Variants in CNTN6 observed in about 807,000 individuals in gnomAD.
CNTN6 encodes contactin-6.
A neutral mutation model predicts 122.8 loss-of-function variants in CNTN6; 137 were observed. That is an observed-to-expected ratio of 1.12 (90% CI 0.97 to 1.29). The LOEUF (loss-of-function observed/expected upper bound fraction) is 1.29. CNTN6 is among the 50% of genes most tolerant of loss of function. The pLI, the probability that CNTN6 is intolerant of heterozygous loss-of-function variation, is 0.00. For missense variants in CNTN6, 1,634 were observed against 1,223.4 expected (o/e 1.34, Z -5.01); for synonymous variants, 570 against 426.0 (o/e 1.34, Z -4.16).
chr3:1,233,297 A>C (rs1224932933), intron 4 of CNTN6, among the ~76,000 whole-genome samples: 1 of 152,182 alleles, frequency 6.6e-6, no homozygotes, highest in Non-Finnish European at 1.5e-5. Flanking sequence ...AGGGCAACTG[A>C]TAGACTGGTA....
chr3:1,133,685 C>T (rs989630247), intron 1 of CNTN6, among the ~76,000 whole-genome samples: 2 of 152,112 alleles, frequency 1.3e-5, no homozygotes, highest in Non-Finnish European at 2.9e-5. Flanking sequence ...CTGACAAAGT[C>T]AATGCTGTCT....
At chr3:1,194,014 A>G (rs1201461591) in intron 2 of CNTN6, among the ~76,000 whole-genome samples, 1 of 152,062 alleles carries the variant, frequency 6.6e-6, no homozygotes, top group Non-Finnish European at 1.5e-5. Flanking sequence ...TGCAGGCCCT[A>G]TGCTAATCTC....
rs2094271789 is a variant in CNTN6 at position 1,225,661 on chromosome 3, G to A, written c.183-2157G>A. Among the ~76,000 whole-genome samples, 3 of 151,614 alleles carry A rather than the reference G, an allele frequency of 2.0e-5. No homozygotes were observed. The South Asian group carries it at 6.2e-4, about 32-fold the overall frequency. ...AGGAGAATATTGGTGTCTTGAGACA[G>A]GCCTAAAGAAAGAAAAGTTTTGAAG... On this transcript the variant is annotated intron_variant, in intron 3 of 22. Coordinates refer to ENST00000446702, the MANE Select transcript of CNTN6 (RefSeq NM_001289080.2).
At chr3:1,192,500 G>A (rs2093716479) in intron 2 of CNTN6, among the ~76,000 whole-genome samples, 1 of 152,102 alleles carries the variant, frequency 6.6e-6, no homozygotes, top group Admixed American at 6.6e-5. Context: ...TGCCTCATTT[G>A]CTGCAAATGT....
chr3:1,267,349 TTTAG>T (rs1470370133), intron 4 of CNTN6, among the ~76,000 whole-genome samples: 1 of 152,156 alleles, frequency 6.6e-6, no homozygotes, highest in Non-Finnish European at 1.5e-5. Flanking sequence ...CTTTTATTTT[TTTAG>T]TTATGTGGTC....
intron 4 of CNTN6, among the ~76,000 whole-genome samples, chr3:1,262,935 A>G (rs1488733439): frequency 6.6e-6 from 1 of 152,096 alleles, no homozygotes; most frequent in Non-Finnish European, 1.5e-5. Flanking sequence ...AATAACTAAA[A>G]AATAAATAAA....
Position 1,403,589 on chromosome 3 carries a change from T to TAAAC in CNTN6, c.*173_*176dup. On this transcript the variant is annotated 3_prime_UTR_variant, in exon 23 of 23. Transcript: ENST00000446702. ...CTATGGTATATTAATAAAACAATTT[T>TAAAC]AAACACTTTTGAATTTTAAAATCCG... 2.4e-6 allele frequency: 1 copy of TAAAC among 416,062 alleles called. No individual in the cohort carries two copies. Among genetic ancestry groups the TAAAC allele is most frequent in the Non-Finnish European group, 4.2e-6 (1 of 237,498 alleles). 25.8% of individuals were successfully genotyped at this position (416,062 alleles called of 1,614,324 possible).
rs112819222 is a variant in CNTN6, at chr3:1,124,297, C to G, written c.-82-23630C>G. Among the ~76,000 whole-genome samples, 53 of 151,988 alleles carry G rather than the reference C, an allele frequency of 3.5e-4. 3 individuals are homozygous for G. The South Asian group carries it at 6.7e-3, about 19-fold the overall frequency. On this transcript the variant is annotated intron_variant, in intron 1 of 22. Coordinates refer to ENST00000446702, the MANE Select transcript of CNTN6 (RefSeq NM_001289080.2). ...ATTGAGAAACCCTGAATTATACCAA[C>G]CCTGCTACTATTCTTGGTATACCCC...
intron 11 of CNTN6, among the ~76,000 whole-genome samples, chr3:1,335,350 A>G (rs1260354570): frequency 6.6e-6 from 1 of 152,200 alleles, no homozygotes; most frequent in African/African-American, 2.4e-5. Flanking sequence ...ACGGAAAATC[A>G]GGATGAATTA....
At chr3:1,334,307 G>T (rs530288767) in intron 11 of CNTN6, among the ~76,000 whole-genome samples, 2 of 151,960 alleles carry the variant, frequency 1.3e-5, no homozygotes, top group Non-Finnish European at 2.9e-5. Context: ...TAGAAAACAC[G>T]GGTTGTGGTC....
intron 12 of CNTN6, among the ~76,000 whole-genome samples, chr3:1,369,751 T>C (rs966189950): frequency 1.3e-5 from 2 of 152,044 alleles, no homozygotes; most frequent in African/African-American, 4.8e-5. Context: ...CTCCTATAAA[T>C]GTAAATAAGA....
intron 2 of CNTN6, among the ~76,000 whole-genome samples, chr3:1,185,233 T>C (rs1483179592): frequency 1.3e-5 from 2 of 152,156 alleles, no homozygotes; most frequent in Non-Finnish European, 2.9e-5. Context: ...CTTAAAAGTG[T>C]TGGATTAAGG....
chr3:1,361,159 G>A (rs766411791), intron 12 of CNTN6, among the ~76,000 whole-genome samples: 12 of 151,932 alleles, frequency 7.9e-5, no homozygotes, highest in Non-Finnish European at 1.6e-4. Flanking sequence ...GGTCTCACCC[G>A]ACCCCATCCG....
intron 12 of CNTN6, among the ~76,000 whole-genome samples, chr3:1,365,481 T>G (rs1708084057): frequency 6.6e-6 from 1 of 152,050 alleles, no homozygotes; most frequent in Admixed American, 6.5e-5. Flanking sequence ...ATATTTATGT[T>G]GTGTTTAATC....
At chr3:1,228,363 G>T (rs1237255967) in intron 4 of CNTN6, among the ~76,000 whole-genome samples, 1 of 152,168 alleles carries the variant, frequency 6.6e-6, no homozygotes, top group Non-Finnish European at 1.5e-5. Flanking sequence ...GCTGAGGGCA[G>T]AGAGGTCATC....
At chr3:1,136,237 G>T (rs1269136199) in intron 1 of CNTN6, among the ~76,000 whole-genome samples, 1 of 152,118 alleles carries the variant, frequency 6.6e-6, no homozygotes, top group Non-Finnish European at 1.5e-5. Context: ...TTTACAGTGG[G>T]CAACCCAAGA....
At chr3:1,357,851 A>G (rs1559912891) in intron 12 of CNTN6, among the ~76,000 whole-genome samples, 1 of 142,126 alleles carries the variant, frequency 7.0e-6, no homozygotes, top group Non-Finnish European at 1.5e-5. Context: ...ATTTTACATA[A>G]ATGCACATTT....
At chr3:1,314,498 C>G (rs1699825446) in intron 7 of CNTN6, among the ~76,000 whole-genome samples, 1 of 152,160 alleles carries the variant, frequency 6.6e-6, no homozygotes, top group South Asian at 2.1e-4. Flanking sequence ...GAAATACAAG[C>G]TTTCTCAAAT....
At chr3:1,328,997 T>C (rs1701905345) in intron 10 of CNTN6, among the ~76,000 whole-genome samples, 1 of 151,606 alleles carries the variant, frequency 6.6e-6, no homozygotes, top group Non-Finnish European at 1.5e-5. Context: ...AATAAAATAT[T>C]TCTGATTTAT....
Sources: gnomAD v4.1 joint callset for allele counts (sites outside exome capture counted in the v4.1 genomes callset) on GRCh38, gnomAD v4.1.1 for gene constraint, MANE v1.5 for transcripts, NCBI Gene and HGNC (gene_info 2026-07-23, HGNC 2026-07-21) for gene names.